CAP2: variants seen among roughly 807,000 people sequenced by gnomAD.
CAP2 encodes adenylyl cyclase-associated protein 2.
In CAP2, 24 loss-of-function variants were observed where a neutral mutation model predicts 57.7. The ratio of observed to expected loss-of-function variants is 0.42; its 90% CI spans 0.30 to 0.58. The LOEUF is 0.58. Ranked by LOEUF, CAP2 falls within the 20% of genes least tolerant of loss-of-function variation. The probability of loss-of-function intolerance (pLI) is 0.22; values close to 1 mark genes in which losing one functional copy is unlikely to be tolerated. For missense variants in CAP2, 501 were observed against 590.3 expected (o/e 0.85, Z 1.57); for synonymous variants, 194 against 207.2 (o/e 0.94, Z 0.55).
At chr6:17,476,640 C>G (rs1761155310) in intron 4 of CAP2, among the ~76,000 whole-genome samples, 2 of 152,104 alleles carry the variant, frequency 1.3e-5, no homozygotes. Context: ...TCTTTTCATT[C>G]AACTTTTCTT....
At chr6:17,472,360 T>C (rs1761041561) in intron 4 of CAP2, among the ~76,000 whole-genome samples, 1 of 151,540 alleles carries the variant, frequency 6.6e-6, no homozygotes, top group African/African-American at 2.4e-5. Flanking sequence ...AAAATAGTGC[T>C]GAATGGGTTG....
At chr6:17,470,606 T>C (rs1264274170) in intron 4 of CAP2, among the ~76,000 whole-genome samples, 4 of 152,210 alleles carry the variant, frequency 2.6e-5, no homozygotes, top group Non-Finnish European at 5.9e-5. Flanking sequence ...GAAAAGAGAA[T>C]GCAGGAAGGT....
chr6:17,413,904 A>G (rs961090542), intron 1 of CAP2, among the ~76,000 whole-genome samples: 1 of 152,088 alleles, frequency 6.6e-6, no homozygotes, highest in African/African-American at 2.4e-5. Context: ...AAATACAAAC[A>G]TTAGCCTGGC....
At chr6:17,409,518 G>C (rs1759084020) in intron 1 of CAP2, among the ~76,000 whole-genome samples, 1 of 152,130 alleles carries the variant, frequency 6.6e-6, no homozygotes, top group South Asian at 2.1e-4. Flanking sequence ...CATTCAGAGG[G>C]AAATTATAAT....
intron 4 of CAP2, among the ~76,000 whole-genome samples, chr6:17,488,821 T>C (rs1472262460): frequency 6.6e-6 from 1 of 152,194 alleles, no homozygotes; most frequent in Non-Finnish European, 1.5e-5. Flanking sequence ...AATTATACCC[T>C]CTGGACATCT....
chr6:17,504,648 C>T (rs1001330672), intron 4 of CAP2, among the ~76,000 whole-genome samples: 5 of 152,082 alleles, frequency 3.3e-5, no homozygotes, highest in Non-Finnish European at 5.9e-5. Context: ...AATTGGATTA[C>T]GGCCATGTTT....
chr6:17,439,109 T>C (rs1759994057), intron 3 of CAP2, among the ~76,000 whole-genome samples: 1 of 151,136 alleles, frequency 6.6e-6, no homozygotes, highest in Non-Finnish European at 1.5e-5. Flanking sequence ...AGACTCTGTC[T>C]TAAAAAAATA....
chr6:17,461,950 A>T lies in CAP2; in HGVS notation c.223-1046A>T, dbSNP rs7752106. Among the ~76,000 whole-genome samples, 575 of 139,310 alleles carry T rather than the reference A, an allele frequency of 4.1e-3. 4 individuals are homozygous for T. Among genetic ancestry groups the T allele is most frequent in the African/African-American group, 0.014 (539 of 37,878 alleles). 91.4% of individuals were successfully genotyped at this position (139,310 alleles called of 152,430 possible). A position where few individuals can be genotyped will look rare whatever the true frequency, so the allele number is the denominator to read the frequency against. On this transcript the variant is annotated intron_variant, in intron 3 of 12. Transcript: ENST00000229922. ...GGAGCTTGCAGTGAGCTGAGATCGC[A>T]CCATTGCACTCCAGCCTGGGCAACA... is the stretch of plus-strand genomic sequence containing the variant.
intron 7 of CAP2, among the ~76,000 whole-genome samples, chr6:17,514,224 A>G (rs888061427): frequency 2.0e-5 from 3 of 152,038 alleles, no homozygotes; most frequent in African/African-American, 7.2e-5. Context: ...TTAGCCAGGC[A>G]TGGTAACGCA....
intron 1 of CAP2, among the ~76,000 whole-genome samples, chr6:17,400,820 G>A (rs928925783): frequency 7.3e-5 from 11 of 150,664 alleles, no homozygotes; most frequent in African/African-American, 2.0e-4. Context: ...AGCCGAGATC[G>A]CGCCATTGCA....
At chr6:17,476,371 G>C (rs1761150708) in intron 4 of CAP2, among the ~76,000 whole-genome samples, 1 of 152,110 alleles carries the variant, frequency 6.6e-6, no homozygotes, top group South Asian at 2.1e-4. Context: ...TGACTCTTTA[G>C]AATTTGAAAT....
chr6:17,458,087 C>T (rs1171311881), intron 3 of CAP2, among the ~76,000 whole-genome samples: 3 of 152,124 alleles, frequency 2.0e-5, no homozygotes, highest in Non-Finnish European at 4.4e-5. Flanking sequence ...TCATTAGAGA[C>T]CGACAAAAGT....
intron 4 of CAP2, among the ~76,000 whole-genome samples, chr6:17,463,651 T>G (rs1760788056): frequency 6.6e-6 from 1 of 152,206 alleles, no homozygotes; most frequent in South Asian, 2.1e-4. Context: ...TTCTGGTTCA[T>G]CAGGCCTGGA....
intron 7 of CAP2, 98 bp downstream of exon 7, chr6:17,514,052 G>A (rs1303020664): frequency 1.3e-5 from 10 of 778,530 alleles, no homozygotes; most frequent in Non-Finnish European, 2.2e-5. Flanking sequence ...TTACCTCAAG[G>A]AAAATGTAAG....
At chr6:17,465,525 C>G (rs1419451690) in intron 4 of CAP2, among the ~76,000 whole-genome samples, 1 of 152,194 alleles carries the variant, frequency 6.6e-6, no homozygotes, top group Admixed American at 6.5e-5. Context: ...CTTCTCTCTA[C>G]TTCCCTTTCC....
chr6:17,441,032 G>A (rs1415048210), intron 3 of CAP2, among the ~76,000 whole-genome samples: 3 of 151,236 alleles, frequency 2.0e-5, no homozygotes, highest in Non-Finnish European at 4.4e-5. Flanking sequence ...AGTATTCCAT[G>A]GTGTCTCCCA....
rs149647028 is a variant in CAP2 at position 17,446,451 on chromosome 6, T to G, written c.223-16545T>G. Among the ~76,000 whole-genome samples, 798 of 152,324 alleles carry G rather than the reference T, an allele frequency of 5.2e-3. 16 individuals are homozygous for G. The highest frequency in any genetic ancestry group is 0.039 in the East Asian group (202 of 5,184). ...CTTAGCAACCATTATTGGGGTTACC[T>G]TGGAATTCACGAGTGGGACAAAAAG... On this transcript the variant is annotated intron_variant, in intron 3 of 12. Transcript: ENST00000229922.
chr6:17,534,024 TAACTAAG>T (rs1762712073), intron 7 of CAP2, among the ~76,000 whole-genome samples: 1 of 152,212 alleles, frequency 6.6e-6, no homozygotes, highest in African/African-American at 2.4e-5. Flanking sequence ...CACTGCTCCT[TAACTAAG>T]GTTAAGTCTG....
At chr6:17,408,712 G>A (rs1355802242) in intron 1 of CAP2, among the ~76,000 whole-genome samples, 1 of 145,824 alleles carries the variant, frequency 6.9e-6, no homozygotes, top group Non-Finnish European at 1.5e-5. Context: ...CCACACTGGA[G>A]TGCAGTGGCA....
Sources: allele counts gnomAD v4.1 joint callset (sites outside exome capture counted in the v4.1 genomes callset), GRCh38; gene constraint gnomAD v4.1.1; transcripts MANE v1.5; gene names NCBI Gene and HGNC (gene_info 2026-07-23, HGNC 2026-07-21).